The following SGSM3 variants were observed in gnomAD, a reference collection of about 807,000 sequenced individuals.
The protein encoded by SGSM3 is small G protein signaling modulator 3.
In SGSM3, 96 loss-of-function variants were observed where a neutral mutation model predicts 100.5. The observed-to-expected ratio is 0.96, with a 90% CI of 0.81 to 1.13. The LOEUF (loss-of-function observed/expected upper bound fraction) is 1.13. Ranked by LOEUF, SGSM3 falls within the 50% of genes most tolerant of loss-of-function variation. The pLI, the probability that SGSM3 is intolerant of heterozygous loss-of-function variation, is 0.00. For synonymous variants in SGSM3, 483 were observed against 422.8 expected (o/e 1.14, Z -1.75); for missense variants, 1,001 against 1,015.8 (o/e 0.99, Z 0.20).
At chr22:40,374,437 A>G (rs531158314) in intron 1 of SGSM3, among the ~76,000 whole-genome samples, 1 of 152,364 alleles carries the variant, frequency 6.6e-6, no homozygotes, top group South Asian at 2.1e-4. Flanking sequence ...AAGATACAGT[A>G]TAGGCTTTAG....
chr22:40,374,367 G>T (rs1353171413), intron 1 of SGSM3, among the ~76,000 whole-genome samples: 1 of 152,200 alleles, frequency 6.6e-6, no homozygotes, highest in African/African-American at 2.4e-5. Context: ...TGTCAAGACT[G>T]CGTGCTTAGG....
At position 40,408,446 on chromosome 22, in the gene SGSM3, G is replaced by C; in HGVS notation, c.1782+17G>C. On this transcript the variant is annotated intron_variant, in intron 16 of 21. Coordinates refer to ENST00000248929, the MANE Select transcript of SGSM3 (RefSeq NM_015705.6). ...ATCGAGGAGGTAAGTCAGTGGCTGG[G>C]CCCATGACCCCCACCCTGCACCAGC... The C allele has an allele frequency of 6.2e-7, 1 of 1,613,162 alleles. No individual in the cohort carries two copies. The highest frequency in any genetic ancestry group is 8.5e-7 in the Non-Finnish European group (1 of 1,179,826).
At chr22:40,387,416 T>G in intron 1 of SGSM3, 1 of 383,926 alleles carries the variant, frequency 2.6e-6, no homozygotes, top group Non-Finnish European at 4.6e-6. Context: ...TGAGATAGTT[T>G]GTTGACCTGT....
In SGSM3 at chr22:40,410,252, A is replaced by AC; in HGVS notation, c.*497dup. ...GACCCGGGACCCAGCTGTGCTACCC[A>AC]CCCCTTCCATGGACTGAATAAGATG... On this transcript the variant is annotated 3_prime_UTR_variant, in exon 22 of 22. Coordinates refer to ENST00000248929, the MANE Select transcript of SGSM3 (RefSeq NM_015705.6). The AC allele has an allele frequency of 1.1e-6, 1 of 915,736 alleles. No individual in the cohort carries two copies. Among genetic ancestry groups the AC allele is most frequent in the East Asian group, 5.6e-5 (1 of 17,866 alleles). The allele number at this position is 915,736 out of a possible 1,614,324, so 56.7% of individuals were successfully genotyped here.
chr22:40,391,946 A>AT (rs2049402762), intron 1 of SGSM3, among the ~76,000 whole-genome samples: 1 of 152,172 alleles, frequency 6.6e-6, no homozygotes, highest in Non-Finnish European at 1.5e-5. Context: ...ACGTGGGGGT[A>AT]TATCTGTAAA....
chr22:40,381,771 A>G (rs956833737), intron 1 of SGSM3, among the ~76,000 whole-genome samples: 4 of 152,164 alleles, frequency 2.6e-5, no homozygotes, highest in African/African-American at 7.2e-5. Flanking sequence ...CCTGAGCAAC[A>G]TGGCAAAACC....
intron 8 of SGSM3, 94 bp downstream of exon 8, chr22:40,405,938 G>T (rs2051431051): frequency 3.0e-5 from 45 of 1,482,516 alleles, no homozygotes; most frequent in Non-Finnish European, 4.1e-5. Flanking sequence ...CCCAACCATG[G>T]TCTTTGTCGC....
At chr22:40,393,268 C>T (rs1198127396) in intron 1 of SGSM3, among the ~76,000 whole-genome samples, 3 of 152,210 alleles carry the variant, frequency 2.0e-5, no homozygotes, top group Non-Finnish European at 4.4e-5. Context: ...GAGGCGCGTG[C>T]CACCACGCCC....
chr22:40,408,891 C>T (rs1872654933), intron 18 of SGSM3, 42 bp from the exon 19 acceptor site: 2 of 1,613,832 alleles, frequency 1.2e-6, no homozygotes, highest in African/African-American at 2.7e-5. Flanking sequence ...TGGGGTTAGC[C>T]TGTGGGGGAG....
chr22:40,386,364 G>A (rs1455327322), intron 1 of SGSM3, among the ~76,000 whole-genome samples: 1 of 152,140 alleles, frequency 6.6e-6, no homozygotes, highest in Non-Finnish European at 1.5e-5. Context: ...GTTCACAACA[G>A]TAAGAGGACA....
intron 1 of SGSM3, among the ~76,000 whole-genome samples, chr22:40,383,360 G>A (rs755358961): frequency 3.9e-5 from 6 of 151,904 alleles, no homozygotes; most frequent in Non-Finnish European, 8.8e-5. Flanking sequence ...CCAGCTACTC[G>A]GGAGGCTAAG....
In SGSM3 at chr22:40,408,944, T is replaced by C; in HGVS notation, c.1914T>C (p.Ser638=). ...GGTGCCGTTCCCAGGCTGTGCAGTC[T>C]GTGAACGTGACCCACGATGCAGTGC... ...PEELLYRAVQ[S]VNVTHDAVHA... The change falls in exon 19 of 22, where the codon TCT becomes TCC. Residue 638 remains serine, a synonymous_variant. Transcript: ENST00000248929. 1 of 1,611,388 alleles carries C rather than the reference T, an allele frequency of 6.2e-7. No individual in the cohort carries two copies. Among genetic ancestry groups the C allele is most frequent in the Non-Finnish European group, 8.5e-7 (1 of 1,178,840 alleles).
chr22:40,406,410 TC>T, intron 9 of SGSM3, 27 bp from the exon 10 acceptor site: 1 of 1,536,512 alleles, frequency 6.5e-7, no homozygotes, highest in Non-Finnish European at 8.8e-7. Context: ...ACAACCTTCT[TC>T]CCCCATCCTG....
At chr22:40,397,968 CTTTTTTT>C (rs1157147821) in intron 1 of SGSM3, among the ~76,000 whole-genome samples, 3 of 116,436 alleles carry the variant, frequency 2.6e-5, no homozygotes, top group African/African-American at 3.6e-5. Flanking sequence ...CCAATTCTGT[CTTTTTTT>C]TTTTTTTTTT....
At chr22:40,381,470 A>C (rs2047573083) in intron 1 of SGSM3, among the ~76,000 whole-genome samples, 1 of 152,224 alleles carries the variant, frequency 6.6e-6, no homozygotes, top group African/African-American at 2.4e-5. Context: ...TAACGATGCA[A>C]GATAGTGCAT....
intron 21 of SGSM3, 50 bp from the exon 22 acceptor site, chr22:40,409,632 A>G (rs938619138): frequency 1.2e-6 from 2 of 1,612,682 alleles, no homozygotes; most frequent in East Asian, 2.2e-5. Flanking sequence ...GTTAGGAACT[A>G]CCCCAGCCAT....
At chr22:40,370,799 C>G (rs946074639) in intron 1 of SGSM3, 111 bp downstream of exon 1, 2 of 152,160 alleles carry the variant, frequency 1.3e-5, no homozygotes, top group Non-Finnish European at 2.9e-5. Flanking sequence ...TCGTATGGGC[C>G]GAAGGCGCCC....
Position 40,404,616 on chromosome 22 carries a change from C to T in SGSM3, c.426C>T (p.Arg142=), listed in dbSNP as rs772412704. 2.0e-5 allele frequency: 32 copies of T among 1,613,576 alleles called. No individual in the cohort carries two copies. Among genetic ancestry groups the T allele is most frequent in the East Asian group, 6.7e-5 (3 of 44,884 alleles). Residue 142 remains arginine, a synonymous_variant, in exon 6 of 22, where the codon CGC becomes CGT. Coordinates refer to ENST00000248929, the MANE Select transcript of SGSM3 (RefSeq NM_015705.6). ...AGAGGAACTCTGAGCTGTCCTACCG[C>T]GAGATTGTGAAGAACAGCTCCAACG... ...QKKRNSELSY[R]EIVKNSSNDE...
In SGSM3 at chr22:40,407,721, T is replaced by C; in HGVS notation, c.1525-68T>C. The C allele has an allele frequency of 6.3e-7, 1 of 1,591,678 alleles. No homozygotes were observed. Among genetic ancestry groups the C allele is most frequent in the South Asian group, 1.1e-5 (1 of 90,592 alleles). ...CTGGCCTAGTTGCTGAGGAGTCATA[T>C]CGGGGGTGCAGGAGGCGCTGGCCCA... On this transcript the variant is annotated intron_variant, in intron 13 of 21. Transcript: ENST00000248929. This position sits in a 1 kb window ranked among gnomAD's most constrained non-coding sequence, Gnocchi z 4.7.
Sources: allele counts gnomAD v4.1 joint callset (sites outside exome capture counted in the v4.1 genomes callset), GRCh38; gene constraint gnomAD v4.1.1; non-coding constraint Gnocchi (gnomAD v3.1); transcripts MANE v1.5; gene names NCBI Gene and HGNC (gene_info 2026-07-23, HGNC 2026-07-21).